The following ABCA3 variants were observed in gnomAD, a reference collection of about 807,000 sequenced individuals.
ABCA3 encodes phospholipid-transporting ATPase ABCA3.
Under a neutral mutation model 172.8 loss-of-function variants are expected in ABCA3, and 88 were observed. The ratio of observed to expected loss-of-function variants is 0.51; its 90% CI spans 0.43 to 0.61. ABCA3 has a LOEUF of 0.61. Ranked by LOEUF, ABCA3 falls within the 20% of genes least tolerant of loss-of-function variation. The pLI is 0.00. For missense variants in ABCA3, 2,164 were observed against 2,301.0 expected (o/e 0.94, Z 1.22); for synonymous variants, 1,066 against 983.8 (o/e 1.08, Z -1.56).
rs773374947 is a variant in ABCA3 at position 2,276,809 on chromosome 16, T to G, written c.4984-4A>C. The G allele has an allele frequency of 6.2e-5, 100 of 1,613,540 alleles. No individual in the cohort carries two copies. The highest frequency in any genetic ancestry group is 8.1e-5 in the Non-Finnish European group (96 of 1,180,010). ...CTTTCTCCAGAATACCGAAAACCTT[T>G]GGGGAGCAGAAAAGTCACTGGTAGG... On this transcript the variant is annotated splice_region_variant and splice_polypyrimidine_tract_variant and intron_variant, in intron 32 of 32. Coordinates refer to ENST00000301732, the MANE Select transcript of ABCA3 (RefSeq NM_001089.3).
At chr16:2,330,142 A>C (rs1353757293) in intron 1 of ABCA3, among the ~76,000 whole-genome samples, 3 of 151,870 alleles carry the variant, frequency 2.0e-5, no homozygotes, top group African/African-American at 7.2e-5. Flanking sequence ...CTAAAAACAC[A>C]AAAATTAGCC....
chr16:2,300,857 C>G (rs945545910), intron 12 of ABCA3, among the ~76,000 whole-genome samples: 20 of 152,218 alleles, frequency 1.3e-4, no homozygotes, highest in African/African-American at 4.3e-4. Context: ...ACTTCCAGCA[C>G]CTGGAACGGC....
Position 2,278,518 on chromosome 16 carries a change from G to T in ABCA3, c.4548-60C>A. 6.3e-7 allele frequency: 1 copy of T among 1,590,608 alleles called. No individual in the cohort carries two copies. The highest frequency in any genetic ancestry group is 8.5e-7 in the Non-Finnish European group (1 of 1,170,566). On this transcript the variant is annotated intron_variant, in intron 29 of 32. Transcript: ENST00000301732. The surrounding 1 kb of genome is among the most constrained non-coding windows in gnomAD (Gnocchi z 4.4). ...GCTGAGAGTTAGCATTGGCTCCCATGTCCCAGTGGAGGCCCGTGTCCCAGC... is the reference window on the plus strand; with the variant it reads ...GCTGAGAGTTAGCATTGGCTCCCATTTCCCAGTGGAGGCCCGTGTCCCAGC...
chr16:2,320,803 C>T (rs919405932), intron 7 of ABCA3, among the ~76,000 whole-genome samples: 8 of 152,118 alleles, frequency 5.3e-5, no homozygotes, highest in African/African-American at 1.9e-4. Flanking sequence ...CAGTCTCACA[C>T]ACGTTATATC....
intron 10 of ABCA3, among the ~76,000 whole-genome samples, chr16:2,314,002 G>A (rs556672267): frequency 1.8e-4 from 27 of 152,276 alleles, no homozygotes; most frequent in Non-Finnish European, 2.9e-4. Flanking sequence ...AGGTGTTCAC[G>A]AGGATGCAGG....
intron 28 of ABCA3, among the ~76,000 whole-genome samples, 191 bp downstream of exon 28, chr16:2,280,836 A>T (rs1391180818): frequency 1.3e-5 from 2 of 151,772 alleles, no homozygotes; most frequent in Non-Finnish European, 2.9e-5. Flanking sequence ...CCCTCCCATC[A>T]CCTGCTAGTT....
At chr16:2,318,233 C>T (rs1486076949) in intron 8 of ABCA3, among the ~76,000 whole-genome samples, 1 of 152,154 alleles carries the variant, frequency 6.6e-6, no homozygotes, top group African/African-American at 2.4e-5. Flanking sequence ...CTCAACCTCC[C>T]CTACTCTGAA....
intron 1 of ABCA3, among the ~76,000 whole-genome samples, chr16:2,339,719 G>C (rs1263144634): frequency 6.6e-6 from 1 of 152,212 alleles, no homozygotes. Flanking sequence ...CGCCTTCCCG[G>C]AGTGCACAGT....
chr16:2,281,377 G>A lies in ABCA3; in HGVS notation c.4164+4C>T, dbSNP rs777817178. On this transcript the variant is annotated splice_donor_region_variant and intron_variant, in intron 27 of 32. Transcript: ENST00000301732. This position sits in a 1 kb window ranked among gnomAD's most constrained non-coding sequence, Gnocchi z 4.7. Reference sequence around the variant, plus strand: ...AAGGACTCCACCCCAAATTGCAAGGGTACCTTGGAGAGCTCCTTGATAATC... The same window carrying A: ...AAGGACTCCACCCCAAATTGCAAGGATACCTTGGAGAGCTCCTTGATAATC... 6.2e-7 allele frequency: 1 copy of A among 1,613,656 alleles called. No homozygotes were observed. Among genetic ancestry groups the A allele is most frequent in the Non-Finnish European group, 8.5e-7 (1 of 1,179,978 alleles).
chr16:2,340,158 G>C (rs535370483), intron 1 of ABCA3, among the ~76,000 whole-genome samples: 1 of 152,250 alleles, frequency 6.6e-6, no homozygotes, highest in Non-Finnish European at 1.5e-5. Context: ...ATCTCCGCAA[G>C]TGCGCGGCGG....
Position 2,287,033 on chromosome 16 carries a change from G to C in ABCA3, c.3005-66C>G. On this transcript the variant is annotated intron_variant, in intron 21 of 32. Transcript: ENST00000301732. This position sits in a 1 kb window ranked among gnomAD's most constrained non-coding sequence, Gnocchi z 4.1. ...GACACCTGGGCACCCCCTGCCACCT[G>C]AGCATGGCTAATCAGGGACCCAATA... is the stretch of plus-strand genomic sequence containing the variant. The C allele has an allele frequency of 6.4e-7, 1 of 1,554,650 alleles. No homozygotes were observed.
In ABCA3 at chr16:2,292,177, C is replaced by CAA. The variant is rs745606386; in HGVS notation, c.2474_2475dup (p.Gly826LeufsTer89). On this transcript the variant is annotated frameshift_variant, in exon 19 of 33. Transcript: ENST00000301732. LOFTEE classifies it high-confidence loss of function. The stretch of plus-strand genomic sequence containing the variant: ...TCCTCCATGGTGGTGATGGATGCCC[C>CAA]AAAGCTGGCAATGCCCAGCTCTTTC... 6.2e-7 allele frequency: 1 copy of CAA among 1,614,020 alleles called. No homozygotes were observed. Among genetic ancestry groups the CAA allele is most frequent in the African/African-American group, 1.3e-5 (1 of 75,052 alleles).
chr16:2,326,299 G>A (rs561358793), intron 4 of ABCA3, 25 bp from the exon 5 acceptor site: 1 of 1,611,846 alleles, frequency 6.2e-7, no homozygotes, highest in South Asian at 1.1e-5. Flanking sequence ...ATAGGGCACG[G>A]TGATGGGCTG....
chr16:2,301,277 T>C (rs903150972), intron 12 of ABCA3, among the ~76,000 whole-genome samples: 2 of 150,692 alleles, frequency 1.3e-5, no homozygotes, highest in African/African-American at 4.9e-5. Context: ...TAAAATGCCA[T>C]AGTGTAAGTG....
chr16:2,309,426 T>C (rs2093703074), intron 10 of ABCA3, among the ~76,000 whole-genome samples: 1 of 152,136 alleles, frequency 6.6e-6, no homozygotes, highest in South Asian at 2.1e-4. Context: ...GAGCAAGGTG[T>C]GCTGGATGGA....
intron 7 of ABCA3, among the ~76,000 whole-genome samples, chr16:2,321,571 C>T (rs1470145887): frequency 6.6e-6 from 1 of 152,158 alleles, no homozygotes; most frequent in Non-Finnish European, 1.5e-5. Flanking sequence ...CCACCCAGAA[C>T]CTGCAGTGGG....
chr16:2,339,474 T>C (rs1435141413), intron 1 of ABCA3: 1 of 152,244 alleles, frequency 6.6e-6, no homozygotes, highest in Non-Finnish European at 1.5e-5. Context: ...TATCTATTTT[T>C]CCCTTTCTCT....
Position 2,304,020 on chromosome 16 carries a change from G to A in ABCA3, c.1416C>T (p.Ala472=), listed in dbSNP as rs763643650. ...LYGLVTWYME[A]VFPGQFGVPQ... ...GCACGCCGAACTGCCCTGGGAAGAC[G>A]GCCTCCATGTACCAGGTCACCAGGC... is the stretch of plus-strand genomic sequence containing the variant. The change falls in exon 12 of 33, where the codon GCC becomes GCT. Residue 472 remains alanine, a synonymous_variant. Transcript: ENST00000301732. 9 of 1,614,014 alleles carry A rather than the reference G, an allele frequency of 5.6e-6. No individual in the cohort carries two copies. The highest frequency in any genetic ancestry group is 2.7e-5 in the African/African-American group (2 of 74,906).
At chr16:2,332,286 A>G (rs770933822) in intron 1 of ABCA3, 5 of 599,856 alleles carry the variant, frequency 8.3e-6, no homozygotes, top group Non-Finnish European at 1.5e-5. Context: ...TTTATTATAC[A>G]GGTGAATTTT....
Sources: gnomAD v4.1 joint callset for allele counts (sites outside exome capture counted in the v4.1 genomes callset) on GRCh38, gnomAD v4.1.1 for gene constraint, Gnocchi (gnomAD v3.1) non-coding constraint, MANE v1.5 for transcripts, NCBI Gene and HGNC (gene_info 2026-07-23, HGNC 2026-07-21) for gene names.